The following C2orf69 variants were observed in gnomAD, a reference collection of about 807,000 sequenced individuals.
C2orf69 encodes the protein chromosome 2 open reading frame 69.
A neutral mutation model predicts 29.5 loss-of-function variants in C2orf69; 19 were observed. The ratio of observed to expected loss-of-function variants is 0.65; its 90% CI spans 0.45 to 0.95. The LOEUF (loss-of-function observed/expected upper bound fraction) is 0.95. Among genes scored for constraint, C2orf69 ranks in the 40% least tolerant of loss-of-function variants. C2orf69 has a pLI of 0.00. For missense variants in C2orf69, 416 were observed against 482.1 expected, an observed-to-expected ratio of 0.86 and a Z score of 1.28; for synonymous variants, 194 against 180.0, an observed-to-expected ratio of 1.08 and a Z score of -0.62.
At position 199,925,737 on chromosome 2, in the gene C2orf69, C is replaced by T. The variant is rs781605495; in HGVS notation, c.1009C>T (p.Arg337Cys). 1.3e-5 allele frequency: 21 copies of T among 1,613,754 alleles called. No individual in the cohort carries two copies. The highest frequency in any genetic ancestry group is 4.0e-5 in the African/African-American group (3 of 74,890). ...VHTHVTPYQV[R>C]DPMRSWIGKE... is the part of the protein sequence containing the mutation. ...CACTCATGTAACACCTTACCAAGTA[C>T]GTGATCCAATGAGATCTTGGATTGG... Residue 337 changes from arginine (R) to cysteine (C), a missense_variant, in exon 2 of 2, where the codon CGT becomes TGT. By Grantham distance (180) the Arg-to-Cys change is radical (BLOSUM62 -3). This residue lies in a region of C2orf69 where 225 missense variants were observed against 307.3 expected (regional missense o/e 0.73). Coordinates refer to ENST00000319974, the MANE Select transcript of C2orf69 (RefSeq NM_153689.6). This position sits in a 1 kb window ranked among gnomAD's most constrained non-coding sequence, Gnocchi z 4.9.
chr2:199,911,529 A>G lies in C2orf69; in HGVS notation c.91A>G (p.Arg31Gly). The G allele has an allele frequency of 6.5e-7, 1 of 1,549,766 alleles. No homozygotes were observed. The highest frequency in any genetic ancestry group is 1.2e-5 in the South Asian group (1 of 84,030). The change falls in exon 1 of 2, where the codon AGA becomes GGA. Residue 31 changes from arginine to glycine, a missense_variant. Physicochemically the swap from Arg to Gly is moderately radical, Grantham distance 125. Around this residue, in one of 4 missense-constraint regions of C2orf69, gnomAD observed 175 missense variants for 139.9 expected, o/e 1.25. Transcript: ENST00000319974. ...IGNASSCSQA[R>G]TMNPGGSGGA... ...AAACGCCTCGTCCTGCTCTCAGGCCAGAACCATGAACCCGGGCGGCAGCGG... is the reference window on the plus strand; with the variant it reads ...AAACGCCTCGTCCTGCTCTCAGGCCGGAACCATGAACCCGGGCGGCAGCGG...
At chr2:199,917,871 GACT>G (rs2077299358) in intron 1 of C2orf69, among the ~76,000 whole-genome samples, 2 of 152,306 alleles carry the variant, frequency 1.3e-5, no homozygotes, top group South Asian at 4.1e-4. Context: ...ACATACCCAA[GACT>G]AGGTAATTTA....
intron 1 of C2orf69, among the ~76,000 whole-genome samples, chr2:199,921,213 G>A (rs1244797883): frequency 1.3e-5 from 2 of 151,574 alleles, no homozygotes; most frequent in African/African-American, 2.4e-5. Context: ...CACCATGTTG[G>A]CCAGGATGGT....
chr2:199,922,521 ATATT>A (rs2077321184), intron 1 of C2orf69, among the ~76,000 whole-genome samples: 1 of 152,178 alleles, frequency 6.6e-6, no homozygotes. Flanking sequence ...ATCCTTATAC[ATATT>A]TATTTATGCA....
In C2orf69 at chr2:199,911,351, G is replaced by T. The variant is rs2077255519; in HGVS notation, c.-88G>T. ...CCGGGCCGCGGCCGCCGACCGTTGA[G>T]CCGCCGGCTGAGCCGCCTGCTGAAG... On this transcript the variant is annotated 5_prime_UTR_variant, in exon 1 of 2. Coordinates refer to ENST00000319974, the MANE Select transcript of C2orf69 (RefSeq NM_153689.6). 2 of 1,365,210 alleles carry T rather than the reference G, an allele frequency of 1.5e-6. No individual in the cohort carries two copies. The highest frequency in any genetic ancestry group is 9.4e-7 in the Non-Finnish European group (1 of 1,064,406). The allele number at this position is 1,365,210 out of a possible 1,614,324, so 84.6% of individuals were successfully genotyped here.
At chr2:199,913,417 C>CATA (rs2077280814) in intron 1 of C2orf69, among the ~76,000 whole-genome samples, 17 of 54,988 alleles carry the variant, frequency 3.1e-4, no homozygotes, top group South Asian at 9.4e-4. Flanking sequence ...AATATATATT[C>CATA]TATTATATAA....
Position 199,925,061 on chromosome 2 carries a change from G to A in C2orf69, c.334-1G>A. On this transcript the variant is annotated splice_acceptor_variant, in intron 1 of 1. Coordinates refer to ENST00000319974, the MANE Select transcript of C2orf69 (RefSeq NM_153689.6). LOFTEE classifies it high-confidence loss of function. The surrounding 1 kb of genome is among the most constrained non-coding windows in gnomAD (Gnocchi z 4.9). ...CTTATTTCATCTTTCTTACCTTTCA[G>A]AATTACCATGAAATTATGACTCGTC... 6.5e-7 allele frequency: 1 copy of A among 1,550,124 alleles called. No homozygotes were observed. The highest frequency in any genetic ancestry group is 8.9e-7 in the Non-Finnish European group (1 of 1,125,448).
Position 199,925,862 on chromosome 2 carries a change from C to T in C2orf69, c.1134C>T (p.His378=). ...AGGAAGCTCCTTCCATAGAGAATCACTTCAGGGTTCATGAAGTATTTTGAG... is the reference window on the plus strand; with the variant it reads ...AGGAAGCTCCTTCCATAGAGAATCATTTCAGGGTTCATGAAGTATTTTGAG... ...FTKEAPSIEN[H]FRVHEVF The change falls in exon 2 of 2, where the codon CAC becomes CAT. Residue 378 remains histidine (H), a synonymous_variant. Coordinates refer to ENST00000319974, the MANE Select transcript of C2orf69 (RefSeq NM_153689.6). This position sits in a 1 kb window ranked among gnomAD's most constrained non-coding sequence, Gnocchi z 4.9. 6.2e-7 allele frequency: 1 copy of T among 1,611,944 alleles called. No homozygotes were observed. Among genetic ancestry groups the T allele is most frequent in the Non-Finnish European group, 8.5e-7 (1 of 1,178,458 alleles).
rs531847796 is a variant in C2orf69, at chr2:199,914,567, T to C, written c.333+2796T>C. Among the ~76,000 whole-genome samples the C allele has an allele frequency of 1.1e-4, 16 of 152,306 alleles. No homozygotes were observed. In the South Asian group the frequency reaches 3.3e-3, roughly 32 times the overall value. On this transcript the variant is annotated intron_variant, in intron 1 of 1. Transcript: ENST00000319974. ...CAAAACTGTGCAGTCACTTCCCATGTCACTCAGAGTAAGAGCCAGAGTCCT... is the reference window on the plus strand; with the variant it reads ...CAAAACTGTGCAGTCACTTCCCATGCCACTCAGAGTAAGAGCCAGAGTCCT...
chr2:199,913,260 T>TATATTATATATA (rs2077277876), intron 1 of C2orf69, among the ~76,000 whole-genome samples: 1 of 82,056 alleles, frequency 1.2e-5, no homozygotes, highest in African/African-American at 5.8e-5. Flanking sequence ...TTATATAAAA[T>TATATTATATATA]ATATTCTATA....
At chr2:199,912,596 T>G (rs528213625) in intron 1 of C2orf69, among the ~76,000 whole-genome samples, 124 of 152,320 alleles carry the variant, frequency 8.1e-4, no homozygotes, top group Non-Finnish European at 1.5e-3. Context: ...TCCATCATCA[T>G]AGAAAGTTCT....
rs150545446 is a variant in C2orf69 at position 199,915,964 on chromosome 2, A to T, written c.333+4193A>T. ...GTTTTGTTGTATGTCCTTTTTAAAA[A>T]TTCTGTACTTTTCCTTTATCATTTG... On this transcript the variant is annotated intron_variant, in intron 1 of 1. Coordinates refer to ENST00000319974, the MANE Select transcript of C2orf69 (RefSeq NM_153689.6). 7.2e-5 allele frequency among the ~76,000 whole-genome samples: 11 copies of T among 152,292 alleles called. No individual in the cohort carries two copies. In the East Asian group the frequency reaches 2.1e-3, roughly 29 times the overall value.
intron 1 of C2orf69, 117 bp downstream of exon 1, chr2:199,911,888 A>G (rs752986093): frequency 2.0e-5 from 27 of 1,365,662 alleles, no homozygotes; most frequent in Non-Finnish European, 2.6e-5. Flanking sequence ...ACACCCACAC[A>G]TTCACTGAGG....
rs1355962447 is a variant in C2orf69 at position 199,911,476 on chromosome 2, T to C, written c.38T>C (p.Leu13Pro). Reference sequence around the variant, plus strand: ...AGGCTCCTGCGGTCGCCGCCGTTGCTGCTCCTGCTGCCGCAGCTCGGAATC... The same window carrying C: ...AGGCTCCTGCGGTCGCCGCCGTTGCCGCTCCTGCTGCCGCAGCTCGGAATC... ...GFRLLRSPPL[L>P]LLLPQLGIGN... Residue 13 changes from leucine to proline, a missense_variant, in exon 1 of 2, where the codon CTG (leucine) becomes CCG (proline). Coordinates refer to ENST00000319974, the MANE Select transcript of C2orf69 (RefSeq NM_153689.6). 2 of 1,546,276 alleles carry C rather than the reference T, an allele frequency of 1.3e-6. No individual in the cohort carries two copies. Among genetic ancestry groups the C allele is most frequent in the Admixed American group, 2.0e-5 (1 of 50,726 alleles).
chr2:199,925,995 G>A lies in C2orf69; in HGVS notation c.*109G>A, dbSNP rs576621818. On this transcript the variant is annotated 3_prime_UTR_variant, in exon 2 of 2. Coordinates refer to ENST00000319974, the MANE Select transcript of C2orf69 (RefSeq NM_153689.6). This position sits in a 1 kb window ranked among gnomAD's most constrained non-coding sequence, Gnocchi z 4.9. ...TCATAGCTGCATTGTCAGTTTTGGG[G>A]TATGGGGGGAAGCACACATTCCTAA... The A allele has an allele frequency of 5.5e-4, 400 of 727,120 alleles. No homozygotes were observed. The highest frequency in any genetic ancestry group is 8.0e-4 in the Non-Finnish European group (359 of 450,566). The allele number at this position is 727,120 out of a possible 1,614,324, so 45.0% of individuals were successfully genotyped here. A position where few individuals can be genotyped will look rare whatever the true frequency, so the allele number is the denominator to read the frequency against.
At position 199,911,486 on chromosome 2, in the gene C2orf69, G is replaced by C. The variant is rs987178109; in HGVS notation, c.48G>C (p.Leu16=). The change falls in exon 1 of 2, where the codon CTG becomes CTC. Residue 16 remains leucine, a synonymous_variant. Transcript: ENST00000319974. ...LLRSPPLLLL[L]PQLGIGNASS... is the part of the protein sequence containing the mutation. ...GGTCGCCGCCGTTGCTGCTCCTGCT[G>C]CCGCAGCTCGGAATCGGAAACGCCT... 3.9e-6 allele frequency: 6 copies of C among 1,546,852 alleles called. No individual in the cohort carries two copies. Among genetic ancestry groups the C allele is most frequent in the South Asian group, 1.2e-5 (1 of 83,922 alleles).
chr2:199,915,507 C>CT lies in C2orf69; in HGVS notation c.333+3749dup, dbSNP rs568057507. On this transcript the variant is annotated intron_variant, in intron 1 of 1. Coordinates refer to ENST00000319974, the MANE Select transcript of C2orf69 (RefSeq NM_153689.6). ...AGATAGTATTAGAAGCTTTGCCTAT[C>CT]TTTTTTTTTTTTTCCTTGAGATGGA... Among the ~76,000 whole-genome samples the CT allele has an allele frequency of 2.6e-3, 377 of 144,408 alleles. 5 individuals carry two copies. In the South Asian group the frequency reaches 0.041, roughly 16 times the overall value. 94.7% of individuals were successfully genotyped at this position (144,408 alleles called of 152,430 possible). A position where few individuals can be genotyped will look rare whatever the true frequency, so the allele number is the denominator to read the frequency against.
At chr2:199,914,564 A>G (rs2077286098) in intron 1 of C2orf69, among the ~76,000 whole-genome samples, 1 of 152,086 alleles carries the variant, frequency 6.6e-6, no homozygotes, top group African/African-American at 2.4e-5. Context: ...GTCACTTCCC[A>G]TGTCACTCAG....
chr2:199,911,658 T>C lies in C2orf69; in HGVS notation c.220T>C (p.Leu74=). 6.5e-7 allele frequency: 1 copy of C among 1,548,880 alleles called. No homozygotes were observed. Among genetic ancestry groups the C allele is most frequent in the Non-Finnish European group, 8.7e-7 (1 of 1,146,642 alleles). Residue 74 remains leucine, a synonymous_variant, in exon 1 of 2, where the codon TTG becomes CTG. Transcript: ENST00000319974. ...GCAGCGCAGCAACGAATTGCTCCTG[T>C]TGGCGGCGGCCGGGGAGGGACTGGA... ...DPQRSNELLL[L]AAAGEGLERQ... is the part of the protein sequence containing the mutation.
Sources: allele counts gnomAD v4.1 joint callset (sites outside exome capture counted in the v4.1 genomes callset), GRCh38; gene constraint gnomAD v4.1.1; regional missense constraint gnomAD v4.1.1; non-coding constraint Gnocchi (gnomAD v3.1); transcripts MANE v1.5; gene names NCBI Gene and HGNC (gene_info 2026-07-23, HGNC 2026-07-21).